Variants in PAK5 observed in about 807,000 individuals in gnomAD.
PAK5 encodes serine/threonine-protein kinase PAK 5.
A neutral mutation model predicts 65.9 loss-of-function variants in PAK5; 16 were observed. The observed-to-expected ratio is 0.24, with a 90% CI of 0.16 to 0.37. The LOEUF (loss-of-function observed/expected upper bound fraction) is 0.37. PAK5 is among the 10% of genes least tolerant of loss of function. The probability of loss-of-function intolerance (pLI) is 1.00; values close to 1 mark genes in which losing one functional copy is unlikely to be tolerated. For synonymous variants in PAK5, 371 were observed against 354.9 expected, an observed-to-expected ratio of 1.05 and a Z score of -0.51; for missense variants, 785 against 903.9, an observed-to-expected ratio of 0.87 and a Z score of 1.69.
intron 3 of PAK5, among the ~76,000 whole-genome samples, chr20:9,597,817 G>C (rs1256203524): frequency 6.6e-6 from 1 of 152,208 alleles, no homozygotes; most frequent in East Asian, 1.9e-4. Context: ...AGTCTTTCCA[G>C]CTGAGGCCAT....
At chr20:9,795,497 C>T (rs2049094783) in intron 1 of PAK5, among the ~76,000 whole-genome samples, 1 of 152,034 alleles carries the variant, frequency 6.6e-6, no homozygotes, top group African/African-American at 2.4e-5. Flanking sequence ...GAAACAAACC[C>T]TCATAAAATT....
intron 1 of PAK5, among the ~76,000 whole-genome samples, chr20:9,799,939 CAAAAAAAAAAAAA>C (rs71331383): frequency 9.2e-5 from 4 of 43,660 alleles, no homozygotes; most frequent in Admixed American, 4.0e-4. Flanking sequence ...ACTCTGTCTC[CAAAAAAAAAAAAA>C]AAAAAAAAAA....
chr20:9,554,465 G>A (rs1568959511), intron 7 of PAK5, among the ~76,000 whole-genome samples: 3 of 152,164 alleles, frequency 2.0e-5, no homozygotes, highest in Admixed American at 6.5e-5. Context: ...TGTGAGTGAG[G>A]ATGACTTCCA....
chr20:9,746,785 A>T (rs2048513432), intron 1 of PAK5, among the ~76,000 whole-genome samples: 1 of 152,198 alleles, frequency 6.6e-6, no homozygotes, highest in African/African-American at 2.4e-5. Flanking sequence ...TACCAAAAGC[A>T]AGAGCAAACA....
chr20:9,803,319 T>A (rs1336111670), intron 1 of PAK5, among the ~76,000 whole-genome samples: 1 of 152,030 alleles, frequency 6.6e-6, no homozygotes, highest in African/African-American at 2.4e-5. Flanking sequence ...GACCACTTAC[T>A]ACGCCAAGCC....
At chr20:9,825,954 A>G (rs1470602359) in intron 1 of PAK5, among the ~76,000 whole-genome samples, 1 of 152,238 alleles carries the variant, frequency 6.6e-6, no homozygotes, top group Non-Finnish European at 1.5e-5. Flanking sequence ...TATACATTCA[A>G]GACTTTAATG....
chr20:9,747,699 G>A (rs1383023029), intron 1 of PAK5, among the ~76,000 whole-genome samples: 1 of 151,904 alleles, frequency 6.6e-6, no homozygotes. Context: ...AATAATAAGA[G>A]CTATCTATGA....
intron 1 of PAK5, among the ~76,000 whole-genome samples, chr20:9,825,318 AT>A (rs1308054535): frequency 6.6e-6 from 1 of 152,098 alleles, no homozygotes; most frequent in African/African-American, 2.4e-5. Flanking sequence ...GTTTTTTATT[AT>A]TTTTTAGTAA....
At chr20:9,565,817 G>T in intron 5 of PAK5, 76 bp downstream of exon 5, 2 of 1,389,320 alleles carry the variant, frequency 1.4e-6, no homozygotes, top group Non-Finnish European at 2.0e-6. Flanking sequence ...GTCCTAAAAT[G>T]TACATGTGTA....
intron 1 of PAK5, among the ~76,000 whole-genome samples, chr20:9,806,641 C>T (rs190260689): frequency 6.6e-6 from 1 of 152,062 alleles, no homozygotes; most frequent in Non-Finnish European, 1.5e-5. Flanking sequence ...AAGTCCTCTC[C>T]AATTCTAAGT....
chr20:9,661,774 G>T (rs564442025), intron 2 of PAK5, among the ~76,000 whole-genome samples: 2 of 152,078 alleles, frequency 1.3e-5, no homozygotes, highest in Admixed American at 1.3e-4. Flanking sequence ...CCTACTAAAG[G>T]CATTAAATAA....
At chr20:9,781,184 C>T (rs6087016) in intron 1 of PAK5, among the ~76,000 whole-genome samples, 116,743 of 152,100 alleles carry the variant, frequency 0.77, 44,922 homozygotes, top group African/African-American at 0.84. Context: ...TCCATCACTG[C>T]CTCAATTGTA....
At chr20:9,828,451 AT>A (rs1263895556) in intron 1 of PAK5, among the ~76,000 whole-genome samples, 3 of 152,036 alleles carry the variant, frequency 2.0e-5, no homozygotes, top group African/African-American at 7.2e-5. Flanking sequence ...CAGTGTTTTT[AT>A]TTTTAGAAGT....
intron 1 of PAK5, among the ~76,000 whole-genome samples, chr20:9,719,363 T>C (rs1410943776): frequency 6.6e-6 from 1 of 152,302 alleles, no homozygotes; most frequent in African/African-American, 2.4e-5. Context: ...ACTATTTTAT[T>C]TTTCTTTTCA....
At chr20:9,679,097 A>T (rs751979262) in intron 2 of PAK5, among the ~76,000 whole-genome samples, 3 of 152,220 alleles carry the variant, frequency 2.0e-5, no homozygotes, top group Non-Finnish European at 2.9e-5. Flanking sequence ...TCCTCAGCAT[A>T]AAGCGAGGAT....
chr20:9,692,045 A>G (rs2047804859), intron 2 of PAK5, among the ~76,000 whole-genome samples: 2 of 152,206 alleles, frequency 1.3e-5, no homozygotes, highest in South Asian at 4.1e-4. Flanking sequence ...CTGCCCAGGT[A>G]CATAGTGGTA....
At chr20:9,704,823 A>G (rs1197849635) in intron 2 of PAK5, among the ~76,000 whole-genome samples, 1 of 152,196 alleles carries the variant, frequency 6.6e-6, no homozygotes, top group Non-Finnish European at 1.5e-5. Context: ...CCAGCAAAGC[A>G]TCTGCTATGT....
chr20:9,582,651 G>A (rs2045999392), intron 3 of PAK5, among the ~76,000 whole-genome samples: 1 of 152,058 alleles, frequency 6.6e-6, no homozygotes, highest in Non-Finnish European at 1.5e-5. Flanking sequence ...CTACTCAAGG[G>A]TCAGGGATTT....
chr20:9,650,440 G>A (rs746979657), intron 2 of PAK5, among the ~76,000 whole-genome samples: 1 of 152,194 alleles, frequency 6.6e-6, no homozygotes, highest in Non-Finnish European at 1.5e-5. Context: ...GGAGAAAGAG[G>A]TTGGGTATTT....
Sources: gnomAD v4.1 joint callset for allele counts (sites outside exome capture counted in the v4.1 genomes callset) on GRCh38, gnomAD v4.1.1 for gene constraint, MANE v1.5 for transcripts, NCBI Gene and HGNC (gene_info 2026-07-23, HGNC 2026-07-21) for gene names.